GNA14: variants seen among roughly 807,000 people sequenced by gnomAD.
GNA14 encodes G protein subunit alpha 14, also known as guanine nucleotide-binding protein subunit alpha-14.
Under a neutral mutation model 42.0 loss-of-function variants are expected in GNA14, and 50 were observed. The observed-to-expected ratio is 1.19, with a 90% CI of 0.95 to 1.51. The LOEUF (loss-of-function observed/expected upper bound fraction) is 1.51, where lower values mean the gene tolerates loss of function less well. GNA14 is among the 40% of genes most tolerant of loss of function. The pLI is 0.00. For synonymous variants in GNA14, 173 were observed against 163.1 expected, an observed-to-expected ratio of 1.06 and a Z score of -0.46; for missense variants, 473 against 446.2, an observed-to-expected ratio of 1.06 and a Z score of -0.54.
At chr9:77,437,028 T>G (rs1467984328) in intron 2 of GNA14, among the ~76,000 whole-genome samples, 1 of 150,744 alleles carries the variant, frequency 6.6e-6, no homozygotes, top group South Asian at 2.1e-4. Context: ...AATTCCAACT[T>G]GGGCCCTGGT....
chr9:77,606,882 G>C (rs7868103), intron 1 of GNA14, among the ~76,000 whole-genome samples: 110,744 of 151,990 alleles, frequency 0.73, 40,449 homozygotes, highest in Middle Eastern at 0.78. Context: ...GGATGCAGAC[G>C]CCAGGTTGGG....
At chr9:77,440,559 A>T (rs1193550259) in intron 2 of GNA14, among the ~76,000 whole-genome samples, 1 of 152,228 alleles carries the variant, frequency 6.6e-6, no homozygotes, top group Non-Finnish European at 1.5e-5. Context: ...ATTTTAATTG[A>T]CAAAATTGTA....
At chr9:77,547,117 T>G (rs1837729174) in intron 1 of GNA14, among the ~76,000 whole-genome samples, 2 of 152,184 alleles carry the variant, frequency 1.3e-5, no homozygotes, top group Non-Finnish European at 2.9e-5. Flanking sequence ...GTAAGAAAAT[T>G]GTGGGAGTTA....
chr9:77,425,689 T>C lies in GNA14; in HGVS notation c.750A>G (p.Leu250=). 1 of 1,610,910 alleles carries C rather than the reference T, an allele frequency of 6.2e-7. No homozygotes were observed. Among genetic ancestry groups the C allele is most frequent in the East Asian group, 2.2e-5 (1 of 44,862 alleles). ...AGGGGTAGGTGATGATGGTTTTAAA[T>C]AAGGCTTTGCTCTCTTCCATGCGAT... ...NENRMEESKA[L]FKTIITYPWF... The change falls in exon 6 of 7, where the codon TTA becomes TTG. Residue 250 remains leucine (L), a synonymous_variant. Transcript: ENST00000341700.
At chr9:77,431,024 T>TTGTGTGTGTGTGTG (rs10631280) in intron 4 of GNA14, among the ~76,000 whole-genome samples, 24 of 101,520 alleles carry the variant, frequency 2.4e-4, no homozygotes, top group East Asian at 7.5e-4. Flanking sequence ...AAGTATACAT[T>TTGTGTGTGTGTGTG]TGTGTGTGTG....
chr9:77,555,655 G>T (rs1243525494), intron 1 of GNA14, among the ~76,000 whole-genome samples: 1 of 152,182 alleles, frequency 6.6e-6, no homozygotes, highest in Non-Finnish European at 1.5e-5. Flanking sequence ...TTTAAAAAAT[G>T]TCAAAACTAA....
At chr9:77,569,645 G>T (rs748688488) in intron 1 of GNA14, among the ~76,000 whole-genome samples, 6 of 152,186 alleles carry the variant, frequency 3.9e-5, no homozygotes, top group Non-Finnish European at 7.4e-5. Context: ...CAGGCTATGT[G>T]GGGGCTTTGG....
intron 2 of GNA14, among the ~76,000 whole-genome samples, chr9:77,441,263 T>A (rs1010916440): frequency 6.6e-6 from 1 of 152,164 alleles, no homozygotes; most frequent in African/African-American, 2.4e-5. Flanking sequence ...TCCCATGCTG[T>A]TCTCGTGATA....
rs375950514 is a variant in GNA14 at position 77,433,881 on chromosome 9, T to C, written c.464+487A>G. Among the ~76,000 whole-genome samples, 25 of 152,304 alleles carry C rather than the reference T, an allele frequency of 1.6e-4. No individual in the cohort carries two copies. The East Asian group carries it at 4.4e-3, about 27-fold the overall frequency. ...TGTGCCACTAGAGGACAGCACCAGA[T>C]CAGCAGCTGATGGGTCCACGGCCCC... On this transcript the variant is annotated intron_variant, in intron 3 of 6. Transcript: ENST00000341700.
intron 1 of GNA14, among the ~76,000 whole-genome samples, chr9:77,553,311 A>T (rs940034878): frequency 6.6e-6 from 1 of 152,156 alleles, no homozygotes; most frequent in Non-Finnish European, 1.5e-5. Context: ...TGTGGCAGGC[A>T]CTACACTACA....
At chr9:77,523,039 T>C (rs1254656690) in intron 2 of GNA14, among the ~76,000 whole-genome samples, 1 of 152,206 alleles carries the variant, frequency 6.6e-6, no homozygotes, top group Non-Finnish European at 1.5e-5. Flanking sequence ...CAAAAGCTTC[T>C]AATGGAAGAG....
chr9:77,494,526 T>A (rs745980947), intron 2 of GNA14, among the ~76,000 whole-genome samples: 11 of 152,154 alleles, frequency 7.2e-5, no homozygotes, highest in Non-Finnish European at 1.6e-4. Context: ...GTATTAAGGG[T>A]ACTGAAGTGT....
chr9:77,614,658 C>T (rs1190065444), intron 1 of GNA14, among the ~76,000 whole-genome samples: 2 of 152,134 alleles, frequency 1.3e-5, no homozygotes, highest in East Asian at 3.8e-4. Context: ...CTCCCCGAAA[C>T]TCTCCTAGTC....
intron 1 of GNA14, among the ~76,000 whole-genome samples, chr9:77,627,540 C>T (rs1207758353): frequency 6.6e-6 from 1 of 152,152 alleles, no homozygotes; most frequent in Non-Finnish European, 1.5e-5. Flanking sequence ...AAAAGCTTAT[C>T]CACCACAATC....
chr9:77,452,584 ATGTG>A (rs1176407595), intron 2 of GNA14, among the ~76,000 whole-genome samples: 6 of 2,486 alleles, frequency 2.4e-3, no homozygotes, highest in Non-Finnish European at 3.7e-3. Flanking sequence ...GTGCATGTGT[ATGTG>A]TGTGTGTGGT....
rs778013639 is a variant in GNA14 at position 77,644,437 on chromosome 9, C to CCAAAAAAAAAAAAAAAAAAAAAAAAA, written c.124+3232_124+3233insTTTTTTTTTTTTTTTTTTTTTTTTTG. On this transcript the variant is annotated intron_variant, in intron 1 of 6. Transcript: ENST00000341700. ...TACTGAACTCCAACCTAAAGAGTGT[C>CCAAAAAAAAAAAAAAAAAAAAAAAAA]AAAAAAAAAAAAAAAAAAAAAAAAA... is the stretch of plus-strand genomic sequence containing the variant. Among the ~76,000 whole-genome samples the CCAAAAAAAAAAAAAAAAAAAAAAAAA allele has an allele frequency of 3.8e-4, 13 of 34,012 alleles. 1 individual carries two copies. The highest frequency in any genetic ancestry group is 5.8e-4 in the African/African-American group (5 of 8,578). 22.3% of individuals were successfully genotyped at this position (34,012 alleles called of 152,430 possible). A position where few individuals can be genotyped will look rare whatever the true frequency, so the allele number is the denominator to read the frequency against.
Position 77,554,924 on chromosome 9 carries a change from A to G in GNA14, c.125-25671T>C, listed in dbSNP as rs529507698. On this transcript the variant is annotated intron_variant, in intron 1 of 6. Transcript: ENST00000341700. ...TTCCTCCATCTGACTAGCAAAAACT[A>G]AAGTCAGATAACAAAACGTTGGTGG... 3.3e-5 allele frequency among the ~76,000 whole-genome samples: 5 copies of G among 152,374 alleles called. No homozygotes were observed. The South Asian group carries it at 1.0e-3, about 32-fold the overall frequency.
intron 1 of GNA14, among the ~76,000 whole-genome samples, chr9:77,553,490 A>G (rs887209311): frequency 1.3e-5 from 2 of 152,224 alleles, no homozygotes; most frequent in Non-Finnish European, 2.9e-5. Flanking sequence ...ACCAATAGAA[A>G]AAAAAAGCAG....
intron 1 of GNA14, among the ~76,000 whole-genome samples, chr9:77,611,464 C>A (rs1564066207): frequency 6.6e-6 from 1 of 152,250 alleles, no homozygotes; most frequent in East Asian, 1.9e-4. Flanking sequence ...AAGACATTGC[C>A]TCTGTCTTCC....
Sources: gnomAD v4.1 joint callset for allele counts (sites outside exome capture counted in the v4.1 genomes callset) on GRCh38, gnomAD v4.1.1 for gene constraint, MANE v1.5 for transcripts, NCBI Gene and HGNC (gene_info 2026-07-23, HGNC 2026-07-21) for gene names.